ZFPM2: variants seen among roughly 807,000 people sequenced by gnomAD.
ZFPM2 encodes the protein zinc finger protein ZFPM2.
In ZFPM2, 20 loss-of-function variants were observed where a neutral mutation model predicts 98.6. The observed-to-expected ratio is 0.20, with a 90% CI of 0.14 to 0.29. The LOEUF is 0.29. ZFPM2 is among the 10% of genes least tolerant of loss of function. The pLI, the probability that ZFPM2 is intolerant of heterozygous loss-of-function variation, is 1.00. For missense variants in ZFPM2, 1,310 were observed against 1,388.6 expected (o/e 0.94, Z 0.90); for synonymous variants, 518 against 502.7 (o/e 1.03, Z -0.41).
intron 3 of ZFPM2, among the ~76,000 whole-genome samples, chr8:105,457,414 G>T (rs772411289): frequency 1.6e-4 from 24 of 152,204 alleles, no homozygotes; most frequent in Non-Finnish European, 3.1e-4. Context: ...TATTGAAGAA[G>T]AACTATGCAG....
At chr8:105,596,439 T>G (rs1412803397) in intron 4 of ZFPM2, among the ~76,000 whole-genome samples, 1 of 152,084 alleles carries the variant, frequency 6.6e-6, no homozygotes, top group Non-Finnish European at 1.5e-5. Flanking sequence ...CATCCTAGTT[T>G]TTACCCTGGT....
chr8:105,547,828 T>C (rs1410310914), intron 3 of ZFPM2, among the ~76,000 whole-genome samples: 3 of 152,240 alleles, frequency 2.0e-5, no homozygotes, highest in Admixed American at 6.5e-5. Context: ...TCTTCTGATA[T>C]TATTTATTAA....
chr8:105,436,538 A>G (rs1586370571), intron 2 of ZFPM2, among the ~76,000 whole-genome samples: 1 of 151,884 alleles, frequency 6.6e-6, no homozygotes, highest in Admixed American at 6.6e-5. Context: ...AAATTATGCA[A>G]CCATAATGAA....
At chr8:105,451,244 C>T (rs1423592894) in intron 3 of ZFPM2, among the ~76,000 whole-genome samples, 2 of 152,090 alleles carry the variant, frequency 1.3e-5, no homozygotes, top group Non-Finnish European at 2.9e-5. Context: ...CTTTTCATTG[C>T]AGTGACCTTT....
chr8:105,680,249 T>C (rs1563518582), intron 5 of ZFPM2, among the ~76,000 whole-genome samples: 1 of 152,176 alleles, frequency 6.6e-6, no homozygotes, highest in Non-Finnish European at 1.5e-5. Context: ...GGGTAACAAA[T>C]GTTCTTAAAT....
intron 1 of ZFPM2, among the ~76,000 whole-genome samples, chr8:105,334,401 G>A (rs564001972): frequency 4.9e-4 from 75 of 151,596 alleles, no homozygotes; most frequent in Non-Finnish European, 7.4e-4. Flanking sequence ...CAGTTTATAT[G>A]AGAATATACC....
intron 5 of ZFPM2, among the ~76,000 whole-genome samples, chr8:105,770,571 G>A (rs931070285): frequency 2.6e-5 from 4 of 151,960 alleles, no homozygotes; most frequent in Non-Finnish European, 5.9e-5. Context: ...AAACAATATT[G>A]CACAATAATT....
chr8:105,418,735 A>G lies in ZFPM2; in HGVS notation c.41-409A>G, dbSNP rs549128034. ...CAATTAAAATGCATTCAATTACTTT[A>G]AATCTTTATTAAAATCTCAGGTAAA... On this transcript the variant is annotated intron_variant, in intron 1 of 7. Transcript: ENST00000407775. 1,116 of 488,148 alleles carry G rather than the reference A, an allele frequency of 2.3e-3. 13 individuals carry two copies. Among genetic ancestry groups the G allele is most frequent in the South Asian group, 0.012 (823 of 65,990 alleles). The allele number at this position is 488,148 out of a possible 1,614,324, so 30.2% of individuals were successfully genotyped here.
chr8:105,330,577 T>TAC lies in ZFPM2; in HGVS notation c.40+11597_40+11598insCA, dbSNP rs1563606646. Among the ~76,000 whole-genome samples the TAC allele has an allele frequency of 4.7e-4, 48 of 101,320 alleles. 2 individuals are homozygous for TAC. Among genetic ancestry groups the TAC allele is most frequent in the African/African-American group, 1.8e-3 (42 of 22,726 alleles). 66.5% of individuals were successfully genotyped at this position (101,320 alleles called of 152,430 possible). Reference sequence around the variant, plus strand: ...ACATATATATATATATACATATATATATACATATATATATATACATATATA... The same window carrying TAC: ...ACATATATATATATATACATATATATACATACATATATATATATACATATATA... On this transcript the variant is annotated intron_variant, in intron 1 of 7. Coordinates refer to ENST00000407775, the MANE Select transcript of ZFPM2 (RefSeq NM_012082.4).
intron 4 of ZFPM2, among the ~76,000 whole-genome samples, chr8:105,606,359 T>C (rs1279739927): frequency 6.6e-6 from 1 of 152,012 alleles, no homozygotes; most frequent in Non-Finnish European, 1.5e-5. Context: ...TGTATTTCCA[T>C]ATCTTTTTTT....
intron 4 of ZFPM2, among the ~76,000 whole-genome samples, chr8:105,566,656 C>T (rs1412963798): frequency 6.6e-6 from 1 of 152,124 alleles, no homozygotes; most frequent in East Asian, 1.9e-4. Flanking sequence ...ATTTAAATGG[C>T]GTTTGCCCTC....
intron 3 of ZFPM2, among the ~76,000 whole-genome samples, chr8:105,497,842 C>A (rs189820428): frequency 5.9e-5 from 9 of 151,782 alleles, no homozygotes; most frequent in Non-Finnish European, 8.8e-5. Flanking sequence ...TGGAATACTG[C>A]GAGAGTAACA....
chr8:105,503,563 A>C (rs1292811446), intron 3 of ZFPM2, among the ~76,000 whole-genome samples: 3 of 152,212 alleles, frequency 2.0e-5, no homozygotes, highest in Non-Finnish European at 4.4e-5. Context: ...TGCATTGGGA[A>C]CAGACTCCAA....
At chr8:105,729,546 A>G (rs566499260) in intron 5 of ZFPM2, among the ~76,000 whole-genome samples, 1 of 151,854 alleles carries the variant, frequency 6.6e-6, no homozygotes, top group South Asian at 2.1e-4. Flanking sequence ...TTTTCTTTGT[A>G]TTAAAGCCAT....
chr8:105,629,211 A>G (rs1463567483), intron 4 of ZFPM2, among the ~76,000 whole-genome samples: 4 of 152,146 alleles, frequency 2.6e-5, no homozygotes, highest in Admixed American at 2.6e-4. Context: ...CAGTTCCCAT[A>G]CTTGTTCGCT....
At chr8:105,424,982 A>G (rs947833992) in intron 2 of ZFPM2, among the ~76,000 whole-genome samples, 7 of 152,212 alleles carry the variant, frequency 4.6e-5, no homozygotes, top group Admixed American at 3.9e-4. Flanking sequence ...ATAAAGAGCG[A>G]TGGGGAAGGT....
chr8:105,744,150 C>G (rs907514629), intron 5 of ZFPM2, among the ~76,000 whole-genome samples: 1 of 152,076 alleles, frequency 6.6e-6, no homozygotes, highest in Admixed American at 6.6e-5. Flanking sequence ...TCCAACACGG[C>G]TAAAGAGCTT....
chr8:105,508,401 T>C (rs1813745457), intron 3 of ZFPM2, among the ~76,000 whole-genome samples: 1 of 152,154 alleles, frequency 6.6e-6, no homozygotes, highest in Non-Finnish European at 1.5e-5. Flanking sequence ...TTCTGACCAG[T>C]TCATAAATCA....
chr8:105,527,758 G>A (rs1814207085), intron 3 of ZFPM2, among the ~76,000 whole-genome samples: 1 of 152,172 alleles, frequency 6.6e-6, no homozygotes, highest in South Asian at 2.1e-4. Context: ...CAGTGTCTCA[G>A]GACCCCTAGA....
Sources: allele counts gnomAD v4.1 joint callset (sites outside exome capture counted in the v4.1 genomes callset), GRCh38; gene constraint gnomAD v4.1.1; transcripts MANE v1.5; gene names NCBI Gene and HGNC (gene_info 2026-07-23, HGNC 2026-07-21).